ATP11B: variants seen among roughly 807,000 people sequenced by gnomAD.
ATP11B encodes phospholipid-transporting ATPase IF.
A neutral mutation model predicts 157.8 loss-of-function variants in ATP11B; 81 were observed. That is an observed-to-expected ratio of 0.51 (90% CI 0.43 to 0.62). The LOEUF (loss-of-function observed/expected upper bound fraction) is 0.62, where lower values mean the gene tolerates loss of function less well. Among genes scored for constraint, ATP11B ranks in the 20% least tolerant of loss-of-function variants. The pLI, the probability that ATP11B is intolerant of heterozygous loss-of-function variation, is 0.00. For missense variants in ATP11B, 1,165 were observed against 1,402.2 expected, an observed-to-expected ratio of 0.83 and a Z score of 2.70; for synonymous variants, 451 against 469.4, an observed-to-expected ratio of 0.96 and a Z score of 0.51.
At chr3:182,892,964 G>GT (rs143492923) in intron 25 of ATP11B, among the ~76,000 whole-genome samples, 108 of 152,168 alleles carry the variant, frequency 7.1e-4, no homozygotes, top group African/African-American at 2.5e-3. Context: ...TTTTAACTTT[G>GT]TTTTTTTCCT....
At chr3:182,858,118 A>T in intron 11 of ATP11B, 90 bp downstream of exon 11, 1 of 1,169,990 alleles carries the variant, frequency 8.5e-7, no homozygotes. Flanking sequence ...TGGAGAGACC[A>T]CTGTAATCCT....
chr3:182,880,169 C>T (rs985512787), intron 20 of ATP11B, among the ~76,000 whole-genome samples: 1 of 152,150 alleles, frequency 6.6e-6, no homozygotes, highest in African/African-American at 2.4e-5. Context: ...CCTATATAAA[C>T]ATTTTTTATA....
intron 28 of ATP11B, chr3:182,905,645 C>T: frequency 2.7e-6 from 1 of 371,248 alleles, no homozygotes; most frequent in South Asian, 2.0e-5. Flanking sequence ...TCCCATTAGC[C>T]CTCTTTTGTG....
At chr3:182,817,274 G>A (rs1436556543) in intron 1 of ATP11B, among the ~76,000 whole-genome samples, 2 of 144,532 alleles carry the variant, frequency 1.4e-5, no homozygotes, top group African/African-American at 5.0e-5. Context: ...TGGGGGGACC[G>A]TTTTTTTTTT....
chr3:182,865,783 G>A, intron 13 of ATP11B, 85 bp downstream of exon 13: 1 of 1,044,984 alleles, frequency 9.6e-7, no homozygotes, highest in Non-Finnish European at 1.4e-6. Flanking sequence ...AAAAAAGTTT[G>A]TGTCAGTAGA....
Position 182,793,506 on chromosome 3 carries a change from T to C in ATP11B, c.-254T>C, listed in dbSNP as rs1487365150. 3.0e-6 allele frequency: 1 copy of C among 338,392 alleles called. No individual in the cohort carries two copies. Among genetic ancestry groups the C allele is most frequent in the African/African-American group, 2.2e-5 (1 of 45,288 alleles). 21.0% of individuals were successfully genotyped at this position (338,392 alleles called of 1,614,324 possible). A position where few individuals can be genotyped will look rare whatever the true frequency, so the allele number is the denominator to read the frequency against. On this transcript the variant is annotated 5_prime_UTR_variant, in exon 1 of 30. Coordinates refer to ENST00000323116, the MANE Select transcript of ATP11B (RefSeq NM_014616.3). ...GGGTGCTTTGGGTGACAACGGTCAA[T>C]AATGAAGGTGGCTGCGGCGCGGCGG...
At chr3:182,825,860 A>G (rs1248372820) in intron 2 of ATP11B, among the ~76,000 whole-genome samples, 1 of 152,178 alleles carries the variant, frequency 6.6e-6, no homozygotes, top group Non-Finnish European at 1.5e-5. Context: ...AGATTGCGCC[A>G]CTGCACTCCA....
intron 26 of ATP11B, 101 bp from the exon 27 acceptor site, chr3:182,897,202 G>C (rs2108578266): frequency 1.6e-6 from 1 of 635,674 alleles, no homozygotes; most frequent in South Asian, 2.7e-5. Context: ...TGTCTTCTGA[G>C]AGACTTTTAG....
intron 28 of ATP11B, among the ~76,000 whole-genome samples, chr3:182,911,595 A>C (rs1240026930): frequency 1.3e-5 from 2 of 152,070 alleles, no homozygotes; most frequent in African/African-American, 4.8e-5. Flanking sequence ...ACAATCCATG[A>C]GAAGCATCTT....
chr3:182,804,403 G>T (rs112624001), intron 1 of ATP11B, among the ~76,000 whole-genome samples: 18,633 of 151,784 alleles, frequency 0.12, 1,298 homozygotes, highest in African/African-American at 0.19. Flanking sequence ...CCGCCACGAC[G>T]CCCGGCTAAT....
chr3:182,885,805 T>C, intron 22 of ATP11B, 146 bp from the exon 23 acceptor site: 1 of 472,732 alleles, frequency 2.1e-6, no homozygotes. Context: ...CCTGCATTCC[T>C]GTTATATATG....
chr3:182,858,110 G>A, intron 11 of ATP11B, 82 bp downstream of exon 11: 3 of 1,256,746 alleles, frequency 2.4e-6, no homozygotes, highest in South Asian at 1.5e-5. Flanking sequence ...CTTCTGATTG[G>A]AGAGACCACT....
chr3:182,872,059 C>A (rs1212677373), intron 17 of ATP11B, among the ~76,000 whole-genome samples: 1 of 152,208 alleles, frequency 6.6e-6, no homozygotes, highest in African/African-American at 2.4e-5. Context: ...TCATGATCCG[C>A]CTGCCTTGGC....
chr3:182,850,124 T>A (rs375126031), intron 10 of ATP11B, among the ~76,000 whole-genome samples: 1 of 151,910 alleles, frequency 6.6e-6, no homozygotes, highest in African/African-American at 2.4e-5. Flanking sequence ...GCTGGGAAAA[T>A]TGGATAGCTA....
chr3:182,920,031 C>T lies in ATP11B; in HGVS notation c.*1927C>T, dbSNP rs1028347780. 2 of 152,082 alleles carry T rather than the reference C, an allele frequency of 1.3e-5. No homozygotes were observed. The highest frequency in any genetic ancestry group is 6.6e-5 in the Admixed American group (1 of 15,260). 9.4% of individuals were successfully genotyped at this position (152,082 alleles called of 1,614,324 possible). On this transcript the variant is annotated 3_prime_UTR_variant, in exon 30 of 30. Coordinates refer to ENST00000323116, the MANE Select transcript of ATP11B (RefSeq NM_014616.3). Reference sequence around the variant, plus strand: ...TTTGCTCATAAAATCTCTTATAAAACGTGCATATAACAAAATGACACCCAG... The same window carrying T: ...TTTGCTCATAAAATCTCTTATAAAATGTGCATATAACAAAATGACACCCAG...
intron 10 of ATP11B, among the ~76,000 whole-genome samples, chr3:182,849,487 G>A (rs917462205): frequency 6.6e-6 from 1 of 152,176 alleles, no homozygotes; most frequent in African/African-American, 2.4e-5. Context: ...TTTAGCAGAC[G>A]AGAACTTTAA....
chr3:182,903,484 ACT>A (rs965219476), intron 28 of ATP11B, among the ~76,000 whole-genome samples: 3 of 152,028 alleles, frequency 2.0e-5, no homozygotes, highest in Non-Finnish European at 2.9e-5. Context: ...CTTTTATAAA[ACT>A]CTATGAGTTC....
In ATP11B at chr3:182,848,511, G is replaced by A. The variant is rs1440857063; in HGVS notation, c.805G>A (p.Ala269Thr). The part of the protein sequence containing the change: ...AVYTGMETKM[A>T]LNYKSKSQKR... ...ATACACTGGAATGGAAACTAAGATG[G>A]CATTAAATTACAAGAGCAAATCACA... The change falls in exon 10 of 30, where the codon GCA (alanine) becomes ACA (threonine). Residue 269 changes from alanine to threonine, a missense_variant. This residue lies in a region of ATP11B where 737 missense variants were observed against 930.5 expected (regional missense o/e 0.79). Transcript: ENST00000323116. 3.8e-6 allele frequency: 6 copies of A among 1,578,682 alleles called. No homozygotes were observed. Among genetic ancestry groups the A allele is most frequent in the Admixed American group, 3.5e-5 (2 of 56,874 alleles).
At chr3:182,809,474 C>T (rs1401795009) in intron 1 of ATP11B, among the ~76,000 whole-genome samples, 1 of 152,146 alleles carries the variant, frequency 6.6e-6, no homozygotes. Context: ...TTCTTGAACT[C>T]CTGGCCTCAA....
Sources: allele counts gnomAD v4.1 joint callset (sites outside exome capture counted in the v4.1 genomes callset), GRCh38; gene constraint gnomAD v4.1.1; regional missense constraint gnomAD v4.1.1; transcripts MANE v1.5; gene names NCBI Gene and HGNC (gene_info 2026-07-23, HGNC 2026-07-21).